COL6A2: variants seen among roughly 807,000 people sequenced by gnomAD.
COL6A2 encodes the protein collagen alpha-2(VI) chain.
In COL6A2, 90 loss-of-function variants were observed where a neutral mutation model predicts 124.9. The ratio of observed to expected loss-of-function variants is 0.72; its 90% confidence interval spans 0.61 to 0.86. The LOEUF (loss-of-function observed/expected upper bound fraction) is 0.86, where lower values mean the gene tolerates loss of function less well. Ranked by LOEUF, COL6A2 falls within the 40% of genes least tolerant of loss-of-function variation. The pLI, the probability that COL6A2 is intolerant of heterozygous loss-of-function variation, is 0.00. For missense variants in COL6A2, 1,607 were observed against 1,502.5 expected, an observed-to-expected ratio of 1.07 and a Z score of -1.15; for synonymous variants, 793 against 618.2, an observed-to-expected ratio of 1.28 and a Z score of -4.19.
intron 27 of COL6A2, 77 bp downstream of exon 27, chr21:46,126,618 T>C (rs1258494798): frequency 2.6e-6 from 4 of 1,512,642 alleles, no homozygotes; most frequent in African/African-American, 2.8e-5. Context: ...AGGGCCGGGC[T>C]GGGGGAGGGG....
intron 14 of COL6A2, 35 bp downstream of exon 14, chr21:46,119,154 T>C (rs1158271721): frequency 6.6e-7 from 1 of 1,506,116 alleles, no homozygotes; most frequent in Non-Finnish European, 9.2e-7. Flanking sequence ...AGGGCCCCGC[T>C]CTGGGCATCC....
rs982528712 is a variant in COL6A2, at chr21:46,132,561, C to A, written c.*9C>A. On this transcript the variant is annotated 3_prime_UTR_variant, in exon 28 of 28. Coordinates refer to ENST00000300527, the MANE Select transcript of COL6A2 (RefSeq NM_001849.4). ...TCCGCTGGATCTGCTAGCGCCGCCG[C>A]CCGGGCCCCGCAGTCGAGGGTCGTG... 6.3e-7 allele frequency: 1 copy of A among 1,586,432 alleles called. No individual in the cohort carries two copies. The highest frequency in any genetic ancestry group is 2.3e-5 in the East Asian group (1 of 43,962).
intron 21 of COL6A2, among the ~76,000 whole-genome samples, chr21:46,123,254 A>C (rs1318800878): frequency 6.8e-5 from 3 of 43,810 alleles, no homozygotes; most frequent in Non-Finnish European, 8.1e-5. Flanking sequence ...AGCATCCCCC[A>C]CCAGGGTCCC....
chr21:46,125,820 G>A lies in COL6A2; in HGVS notation c.2005G>A (p.Gly669Ser). Residue 669 changes from glycine to serine, a missense_variant, in exon 26 of 28, where the codon GGC becomes AGC. This residue lies in a region of COL6A2 where 1,223 missense variants were observed against 1,052.2 expected (regional missense o/e 1.16). Coordinates refer to ENST00000300527, the MANE Select transcript of COL6A2 (RefSeq NM_001849.4). ...RVGVVQYSHE[G>S]TFEAIQLDDE... ...GGGCGTGGTGCAGTACAGCCACGAG[G>A]GCACCTTTGAGGCCATCCAGCTGGA... The A allele has an allele frequency of 6.2e-7, 1 of 1,612,546 alleles. No individual in the cohort carries two copies. Among genetic ancestry groups the A allele is most frequent in the African/African-American group, 1.3e-5 (1 of 74,926 alleles).
intron 20 of COL6A2, 37 bp from the exon 21 acceptor site, chr21:46,122,838 T>C: frequency 6.3e-7 from 1 of 1,591,458 alleles, no homozygotes; most frequent in Middle Eastern, 1.7e-4. Context: ...TAGAGACAGC[T>C]CCTCTGTCCC....
intron 27 of COL6A2, chr21:46,129,909 C>G: frequency 2.1e-6 from 2 of 948,890 alleles, no homozygotes; most frequent in Non-Finnish European, 2.5e-6. Flanking sequence ...GCTGGGCTGC[C>G]GTGCGTCTGG....
At chr21:46,118,493 C>T in intron 12 of COL6A2, 121 bp from the exon 13 acceptor site, 3 of 892,922 alleles carry the variant, frequency 3.4e-6, no homozygotes, top group Non-Finnish European at 5.5e-6. Context: ...TCCCAGGTGC[C>T]CCGTGGACAT....
intron 11 of COL6A2, 33 bp downstream of exon 11, chr21:46,117,486 G>T (rs567399970): frequency 1.2e-6 from 2 of 1,608,748 alleles, no homozygotes; most frequent in African/African-American, 1.3e-5. Context: ...CTTCAGCCTC[G>T]GCCCAGGGGG....
chr21:46,111,112 CAGT>C (rs2078392122), intron 1 of COL6A2, among the ~76,000 whole-genome samples: 1 of 152,176 alleles, frequency 6.6e-6, no homozygotes, highest in Non-Finnish European at 1.5e-5. Context: ...GGGCGCCAGA[CAGT>C]GGTGCTCCAT....
chr21:46,099,889 C>CTTTTTTGTTTTTTTTTT, intron 1 of COL6A2, among the ~76,000 whole-genome samples: 1 of 91,840 alleles, frequency 1.1e-5, no homozygotes, highest in East Asian at 3.9e-4. Flanking sequence ...GCAGCACTGT[C>CTTTTTTGTTTTTTTTTT]TTTTTTTTTT....
intron 1 of COL6A2, among the ~76,000 whole-genome samples, chr21:46,109,706 G>A (rs1397083780): frequency 1.3e-5 from 2 of 152,210 alleles, no homozygotes; most frequent in South Asian, 2.1e-4. Context: ...ACCCGGCCAG[G>A]CTGTGACAGT....
rs201003590 is a variant in COL6A2 at position 46,122,067 on chromosome 21, C to T, written c.1522-41C>T. On this transcript the variant is annotated intron_variant, in intron 18 of 27. Transcript: ENST00000300527. ...TGAGCACAGCCCCCCAGCCCCACCC[C>T]GTCCTATGACCATGCTGACCGACTC... The T allele has an allele frequency of 5.6e-5, 90 of 1,608,316 alleles. No homozygotes were observed. In the African/African-American group the frequency reaches 6.8e-4, roughly 12 times the overall value.
intron 1 of COL6A2, among the ~76,000 whole-genome samples, chr21:46,099,887 G>GTTTTTTTTT (rs2078269010): frequency 8.1e-5 from 5 of 61,420 alleles, no homozygotes; most frequent in East Asian, 5.5e-4. Flanking sequence ...TAGCAGCACT[G>GTTTTTTTTT]TCTTTTTTTT....
Position 46,116,723 on chromosome 21 carries a change from G to A in COL6A2, c.954+46G>A. The A allele has an allele frequency of 6.2e-7, 1 of 1,613,062 alleles. No individual in the cohort carries two copies. The highest frequency in any genetic ancestry group is 8.5e-7 in the Non-Finnish European group (1 of 1,180,000). On this transcript the variant is annotated intron_variant, in intron 9 of 27. Coordinates refer to ENST00000300527, the MANE Select transcript of COL6A2 (RefSeq NM_001849.4). The surrounding 1 kb of genome is among the most constrained non-coding windows in gnomAD (Gnocchi z 4.6). ...GAGCCCCTCCTTCCTGCTGCTCAGG[G>A]CAGAAGGACCGGGGCTAATGGAGTT...
chr21:46,103,561 G>A (rs1020526630), intron 1 of COL6A2, among the ~76,000 whole-genome samples: 2 of 152,046 alleles, frequency 1.3e-5, no homozygotes, highest in African/African-American at 4.8e-5. Context: ...TTCCCCCTTA[G>A]CACTGCTTTC....
rs1489912968 is a variant in COL6A2 at position 46,116,914 on chromosome 21, T to TGTACACACGC, written c.999+101_999+110dup. The TGTACACACGC allele has an allele frequency of 1.9e-6, 2 of 1,042,092 alleles. No homozygotes were observed. The highest frequency in any genetic ancestry group is 2.9e-6 in the Non-Finnish European group (2 of 691,516). 64.6% of individuals were successfully genotyped at this position (1,042,092 alleles called of 1,614,324 possible). ...AGCCTGATCTGTCAGCTTACACATG[T>TGTACACACGC]GTACACACGCATACACACACACACA... On this transcript the variant is annotated intron_variant, in intron 10 of 27. Coordinates refer to ENST00000300527, the MANE Select transcript of COL6A2 (RefSeq NM_001849.4). The surrounding 1 kb of genome is among the most constrained non-coding windows in gnomAD (Gnocchi z 4.6).
At position 46,121,143 on chromosome 21, in the gene COL6A2, GCCGGTGC is replaced by G. The variant is rs763977653; in HGVS notation, c.1458+23_1458+29del. The G allele has an allele frequency of 3.1e-6, 5 of 1,612,146 alleles. No homozygotes were observed. The highest frequency in any genetic ancestry group is 4.2e-6 in the Non-Finnish European group (5 of 1,179,454). ...AAGCAGGTCAGTGTCAGTGCAGGAGGCCGGTGCCCTCTGACCCCACGGGTGGGTCTCC... is the reference window on the plus strand; with the variant it reads ...AAGCAGGTCAGTGTCAGTGCAGGAGGCCTCTGACCCCACGGGTGGGTCTCC... On this transcript the variant is annotated intron_variant, in intron 17 of 27. Transcript: ENST00000300527.
chr21:46,119,078 G>A lies in COL6A2; in HGVS notation c.1228G>A (p.Ala410Thr), dbSNP rs2078521036. The A allele has an allele frequency of 1.2e-6, 2 of 1,612,014 alleles. No individual in the cohort carries two copies. The highest frequency in any genetic ancestry group is 1.3e-5 in the African/African-American group (1 of 74,896). ...CCCAGGAAGTCCTGGTGTGAAAGGA[G>A]CCAAGGGCGGGCCTGGGCCCCGCGG... is the stretch of plus-strand genomic sequence containing the variant. ...GAPGSPGVKGAKGGPGPRGPK... is the reference protein window; with the variant it reads ...GAPGSPGVKGTKGGPGPRGPK... The change falls in exon 14 of 28, where the codon GCC (alanine) becomes ACC (threonine). Residue 410 changes from alanine (A) to threonine (T), a missense_variant. Coordinates refer to ENST00000300527, the MANE Select transcript of COL6A2 (RefSeq NM_001849.4).
Position 46,125,625 on chromosome 21 carries a change from G to A in COL6A2, c.1969+8G>A, listed in dbSNP as rs762696999. 6 of 1,612,060 alleles carry A rather than the reference G, an allele frequency of 3.7e-6. No homozygotes were observed. The highest frequency in any genetic ancestry group is 1.3e-5 in the African/African-American group (1 of 74,920). ...ACCCCAAGTCCGAGACAGGTCAGCG[G>A]GGCAGGGGCGGGTGCAGCATTGCGG... On this transcript the variant is annotated splice_region_variant and intron_variant, in intron 25 of 27. Coordinates refer to ENST00000300527, the MANE Select transcript of COL6A2 (RefSeq NM_001849.4).
Sources: allele counts gnomAD v4.1 joint callset (sites outside exome capture counted in the v4.1 genomes callset), GRCh38; gene constraint gnomAD v4.1.1; regional missense constraint gnomAD v4.1.1; non-coding constraint Gnocchi (gnomAD v3.1); transcripts MANE v1.5; gene names NCBI Gene and HGNC (gene_info 2026-07-23, HGNC 2026-07-21).